Variants in SUFU observed in about 807,000 individuals in gnomAD.
SUFU encodes the protein suppressor of fused homolog.
A neutral mutation model predicts 58.9 loss-of-function variants in SUFU; 7 were observed. The observed-to-expected ratio is 0.12, with a 90% CI of 0.07 to 0.22. The LOEUF (loss-of-function observed/expected upper bound fraction) is 0.22, where lower values mean the gene tolerates loss of function less well. Among genes scored for constraint, SUFU ranks in the 10% least tolerant of loss-of-function variants. SUFU has a pLI of 1.00. For missense variants in SUFU, 451 were observed against 641.3 expected, an observed-to-expected ratio of 0.70 and a Z score of 3.20; for synonymous variants, 232 against 254.8, an observed-to-expected ratio of 0.91 and a Z score of 0.85.
intron 3 of SUFU, among the ~76,000 whole-genome samples, chr10:102,565,556 T>C (rs1266638500): frequency 6.6e-6 from 1 of 152,222 alleles, no homozygotes; most frequent in Non-Finnish European, 1.5e-5. Context: ...GTCTATTTAT[T>C]GTTTTTGAGA....
intron 2 of SUFU, among the ~76,000 whole-genome samples, chr10:102,540,702 C>T (rs1221521887): frequency 6.9e-6 from 1 of 144,772 alleles, no homozygotes. Flanking sequence ...GGCATTCATT[C>T]CTGCCTGCCT....
intron 8 of SUFU, among the ~76,000 whole-genome samples, chr10:102,607,285 A>G (rs1285272412): frequency 6.6e-6 from 1 of 152,030 alleles, no homozygotes; most frequent in Non-Finnish European, 1.5e-5. Context: ...CCTGAGCTCA[A>G]TCGATTTTCC....
intron 10 of SUFU, among the ~76,000 whole-genome samples, 186 bp from the exon 11 acceptor site, chr10:102,626,989 G>A (rs1175307535): frequency 6.6e-6 from 1 of 152,028 alleles, no homozygotes; most frequent in Non-Finnish European, 1.5e-5. Flanking sequence ...TGATATTGCA[G>A]GGAGGTGAGG....
At chr10:102,564,402 G>A (rs934839940) in intron 3 of SUFU, among the ~76,000 whole-genome samples, 1 of 151,742 alleles carries the variant, frequency 6.6e-6, no homozygotes, top group African/African-American at 2.4e-5. Context: ...GTGTGATCTC[G>A]GCTTACTGCA....
At chr10:102,503,945 C>T (rs755743665), upstream of SUFU, 188 of 636,530 alleles carry the variant, frequency 3.0e-4, no homozygotes, top group Non-Finnish European at 2.8e-4. Flanking sequence ...CCCCTTAGCG[C>T]CCCGCCGCCC....
chr10:102,536,153 G>A (rs924162675), intron 2 of SUFU, among the ~76,000 whole-genome samples: 2 of 151,816 alleles, frequency 1.3e-5, no homozygotes, highest in Admixed American at 6.6e-5. Context: ...TTTTAGTGGA[G>A]ACGGTTTCAC....
Position 102,619,639 on chromosome 10 carries a change from C to T in SUFU, c.1296+2211C>T, listed in dbSNP as rs957350672. 6.6e-6 allele frequency among the ~76,000 whole-genome samples: 1 copy of T among 152,144 alleles called. No individual in the cohort carries two copies. Among genetic ancestry groups the T allele is most frequent in the Non-Finnish European group, 1.5e-5 (1 of 68,018 alleles). ...GAAACCCTCTGACCCTGCCCCCAGC[C>T]GGATTCTCAGCAGTGGAGCCAACAC... On this transcript the variant is annotated intron_variant, in intron 10 of 11. Transcript: ENST00000369902. This position sits in a 1 kb window ranked among gnomAD's most constrained non-coding sequence, Gnocchi z 4.2.
At chr10:102,511,232 C>T (rs542142222) in intron 2 of SUFU, among the ~76,000 whole-genome samples, 1 of 150,958 alleles carries the variant, frequency 6.6e-6, no homozygotes, top group South Asian at 2.1e-4. Flanking sequence ...TAAATGTAAT[C>T]TTTCTATGTT....
chr10:102,504,416 T>C (rs2062296082), intron 1 of SUFU, 82 bp downstream of exon 1: 1 of 1,577,020 alleles, frequency 6.3e-7, no homozygotes, highest in African/African-American at 1.4e-5. Context: ...TTGTGGGAGG[T>C]GGGAGGAGGG....
chr10:102,594,025 G>A lies in SUFU; in HGVS notation c.716G>A (p.Arg239Gln), dbSNP rs1403040084. The A allele has an allele frequency of 3.1e-6, 5 of 1,613,644 alleles. No homozygotes were observed. The highest frequency in any genetic ancestry group is 1.1e-5 in the South Asian group (1 of 91,056). The part of the protein sequence containing the change: ...AGGPWLITDM[R>Q]RGETIFEIDP... ...GGCCCCTGGCTGATAACTGACATGCGGAGGGGAGAGACCATATTTGAGATC... is the reference window on the plus strand; with the variant it reads ...GGCCCCTGGCTGATAACTGACATGCAGAGGGGAGAGACCATATTTGAGATC... The change falls in exon 6 of 12, where the codon CGG (arginine) becomes CAG (glutamine). Residue 239 changes from arginine (R) to glutamine (Q), a missense_variant. Coordinates refer to ENST00000369902, the MANE Select transcript of SUFU (RefSeq NM_016169.4).
intron 2 of SUFU, among the ~76,000 whole-genome samples, chr10:102,514,088 T>C (rs2062434958): frequency 6.6e-6 from 1 of 152,048 alleles, no homozygotes; most frequent in Non-Finnish European, 1.5e-5. Context: ...GGTCTTGCTA[T>C]GTTGCCCAGG....
chr10:102,519,562 C>T lies in SUFU; in HGVS notation c.317+10259C>T, dbSNP rs1214223916. 4.0e-5 allele frequency among the ~76,000 whole-genome samples: 6 copies of T among 148,588 alleles called. 1 individual carries two copies. The highest frequency in any genetic ancestry group is 5.9e-5 in the Non-Finnish European group (4 of 67,568). ...AAAAAAAAGTCTTCTGCAACCTTAT[C>T]GTAGTCATTTACAGTAAGTTGCCAG... is the stretch of plus-strand genomic sequence containing the variant. On this transcript the variant is annotated intron_variant, in intron 2 of 11. Coordinates refer to ENST00000369902, the MANE Select transcript of SUFU (RefSeq NM_016169.4).
At chr10:102,535,186 G>A (rs2062722114) in intron 2 of SUFU, among the ~76,000 whole-genome samples, 1 of 152,038 alleles carries the variant, frequency 6.6e-6, no homozygotes, top group East Asian at 1.9e-4. Flanking sequence ...AGAGGAAGGG[G>A]GAAAGAAAGA....
intron 6 of SUFU, among the ~76,000 whole-genome samples, chr10:102,596,640 G>A (rs1465773621): frequency 1.3e-5 from 2 of 152,236 alleles, no homozygotes; most frequent in South Asian, 4.1e-4. Context: ...ACACCCTCTA[G>A]CTGTTAGAAG....
At chr10:102,576,266 T>G (rs2063211064) in intron 3 of SUFU, among the ~76,000 whole-genome samples, 1 of 152,170 alleles carries the variant, frequency 6.6e-6, no homozygotes, top group Non-Finnish European at 1.5e-5. Flanking sequence ...TCCTTGCAGC[T>G]TGCCAGATTT....
chr10:102,534,874 C>T lies in SUFU; in HGVS notation c.318-15096C>T, dbSNP rs370497392. On this transcript the variant is annotated intron_variant, in intron 2 of 11. Coordinates refer to ENST00000369902, the MANE Select transcript of SUFU (RefSeq NM_016169.4). Reference sequence around the variant, plus strand: ...CTATAGTCTCTGGGTCCAGCTGGGCCTAAGGCTGGGCTTGTCCCTATGCCT... The same window carrying T: ...CTATAGTCTCTGGGTCCAGCTGGGCTTAAGGCTGGGCTTGTCCCTATGCCT... 4.0e-4 allele frequency among the ~76,000 whole-genome samples: 61 copies of T among 152,200 alleles called. No homozygotes were observed. In the East Asian group the frequency reaches 9.7e-3, roughly 24 times the overall value.
intron 11 of SUFU, among the ~76,000 whole-genome samples, chr10:102,627,892 G>A (rs1180653632): frequency 6.6e-6 from 1 of 152,116 alleles, no homozygotes; most frequent in African/African-American, 2.4e-5. Flanking sequence ...ATCCTTATTT[G>A]CGAGGGCTTA....
chr10:102,568,627 A>T (rs2063118596), intron 3 of SUFU, among the ~76,000 whole-genome samples: 1 of 151,740 alleles, frequency 6.6e-6, no homozygotes, highest in South Asian at 2.1e-4. Flanking sequence ...TAATCCCAGC[A>T]CTTTGGAAGG....
intron 2 of SUFU, among the ~76,000 whole-genome samples, chr10:102,516,692 TG>T (rs1376018562): frequency 6.6e-6 from 1 of 151,584 alleles, no homozygotes; most frequent in Non-Finnish European, 1.5e-5. Flanking sequence ...GGATTACAGG[TG>T]CCCGCCAACA....
Sources: gnomAD v4.1 joint callset for allele counts (sites outside exome capture counted in the v4.1 genomes callset) on GRCh38, gnomAD v4.1.1 for gene constraint, Gnocchi (gnomAD v3.1) non-coding constraint, MANE v1.5 for transcripts, NCBI Gene and HGNC (gene_info 2026-07-23, HGNC 2026-07-21) for gene names.